KLHDC4: variants seen among roughly 807,000 people sequenced by gnomAD.
KLHDC4 encodes kelch domain containing 4.
A neutral mutation model predicts 62.4 loss-of-function variants in KLHDC4; 90 were observed. That is an observed-to-expected ratio of 1.44 (90% CI 1.22 to 1.72). The LOEUF is 1.72. Ranked by LOEUF, KLHDC4 falls within the 40% of genes most tolerant of loss-of-function variation. The probability of loss-of-function intolerance (pLI) is 0.00; values close to 1 mark genes in which losing one functional copy is unlikely to be tolerated. For missense variants in KLHDC4, 1,025 were observed against 699.7 expected, an observed-to-expected ratio of 1.47 and a Z score of -5.25; for synonymous variants, 386 against 284.4, an observed-to-expected ratio of 1.36 and a Z score of -3.59.
intron 1 of KLHDC4, 195 bp from the exon 2 acceptor site, chr16:87,762,235 C>A (rs113977186): frequency 8.5e-7 from 1 of 1,182,666 alleles, no homozygotes; most frequent in African/African-American, 1.6e-5. Flanking sequence ...CAAAGGCAGT[C>A]TGCTTAAAGG....
intron 5 of KLHDC4, among the ~76,000 whole-genome samples, chr16:87,731,651 A>AGTGAAACAACG (rs1330166220): frequency 6.6e-6 from 1 of 152,058 alleles, no homozygotes; most frequent in African/African-American, 2.4e-5. Flanking sequence ...AACGTAACAC[A>AGTGAAACAACG]GTGAAACAAC....
At chr16:87,748,876 C>T (rs961549743) in intron 4 of KLHDC4, 67 bp from the exon 5 acceptor site, 28 of 1,592,668 alleles carry the variant, frequency 1.8e-5, no homozygotes, top group African/African-American at 4.2e-5. Flanking sequence ...CATGGGTGAC[C>T]GGTAGTGGTG....
At chr16:87,701,540 G>A (rs567732335) in exon 1 of KLHDC4, 56 of 391,144 alleles carry the variant, frequency 1.4e-4, no homozygotes, top group African/African-American at 1.1e-3. Flanking sequence ...GCCACAGTGT[G>A]GGCGTGAGCT....
chr16:87,756,207 C>T, intron 3 of KLHDC4, 192 bp downstream of exon 3: 1 of 509,388 alleles, frequency 2.0e-6, no homozygotes, highest in East Asian at 3.3e-5. Flanking sequence ...ACCCCAGGAC[C>T]ACTGAAGTCA....
chr16:87,705,875 A>G (rs1296396514), downstream of KLHDC4, among the ~76,000 whole-genome samples: 2 of 152,192 alleles, frequency 1.3e-5, no homozygotes, highest in Non-Finnish European at 2.9e-5. Context: ...CTTAGCTGAG[A>G]GTGTGAGGAA....
chr16:87,756,579 C>A, intron 2 of KLHDC4, 102 bp from the exon 3 acceptor site: 1 of 801,072 alleles, frequency 1.2e-6, no homozygotes, highest in Non-Finnish European at 2.1e-6. Flanking sequence ...AACTGGCTGC[C>A]TCTACACTTC....
chr16:87,702,153 A>T (rs1290825430), exon 1 of KLHDC4: 1 of 456,078 alleles, frequency 2.2e-6, no homozygotes, highest in South Asian at 1.5e-5. Context: ...GGGAGATTCC[A>T]GCAGATATGG....
At chr16:87,734,752 T>G (rs1283543983) in intron 5 of KLHDC4, among the ~76,000 whole-genome samples, 2 of 152,072 alleles carry the variant, frequency 1.3e-5, no homozygotes, top group African/African-American at 4.8e-5. Flanking sequence ...TTCTTTGGAG[T>G]CCTGCAAGCT....
chr16:87,709,579 G>A lies in KLHDC4; in HGVS notation c.1133C>T (p.Thr378Ile). 1 of 1,613,030 alleles carries A rather than the reference G, an allele frequency of 6.2e-7. No individual in the cohort carries two copies. Among genetic ancestry groups the A allele is most frequent in the Non-Finnish European group, 8.5e-7 (1 of 1,179,938 alleles). ...GSRPACGGAG[T>I]QGPVQLVKEV... ...CTTGACCAGCTGCACAGGCCCCTGG[G>A]TGCCAGCTCCCCCACACGCCGGCCT... is the stretch of plus-strand genomic sequence containing the variant. The change falls in exon 10 of 12, where the codon ACC becomes ATC. Residue 378 changes from threonine to isoleucine, a missense_variant. Transcript: ENST00000270583.
intron 7 of KLHDC4, among the ~76,000 whole-genome samples, chr16:87,716,938 A>C (rs993875929): frequency 1.0e-4 from 15 of 144,094 alleles, no homozygotes; most frequent in Non-Finnish European, 2.1e-4. Flanking sequence ...TCTCAAAAAA[A>C]AGAAAAGAAA....
At chr16:87,698,300 ACATCTTTTC>A (rs1360317338) in exon 1 of KLHDC4, 1 of 152,186 alleles carries the variant, frequency 6.6e-6, no homozygotes, top group Non-Finnish European at 1.5e-5. Context: ...ACATTTTTGT[ACATCTTTTC>A]CATCTTTTAG....
chr16:87,706,223 G>GA (rs1555548173), downstream of KLHDC4, among the ~76,000 whole-genome samples: 10 of 2,578 alleles, frequency 3.9e-3, no homozygotes, highest in South Asian at 0.053. Context: ...TGCAGCCCTC[G>GA]GGGGGGGGTC....
chr16:87,741,081 A>G (rs2042167307), intron 5 of KLHDC4: 2 of 152,226 alleles, frequency 1.3e-5, no homozygotes, highest in Non-Finnish European at 2.9e-5. Flanking sequence ...TATGACGTCA[A>G]GTATATGTGT....
chr16:87,748,610 G>C, intron 5 of KLHDC4, 63 bp downstream of exon 5: 2 of 1,599,580 alleles, frequency 1.3e-6, no homozygotes, highest in East Asian at 2.2e-5. Flanking sequence ...CCGAGCACTC[G>C]GGCTCAGCAC....
intron 2 of KLHDC4, among the ~76,000 whole-genome samples, chr16:87,760,425 G>C (rs2045688862): frequency 6.6e-6 from 1 of 150,762 alleles, no homozygotes; most frequent in Admixed American, 6.6e-5. Flanking sequence ...GGCCAACATG[G>C]TGAAACCCCG....
At chr16:87,730,527 A>G in intron 6 of KLHDC4, 25 bp downstream of exon 6, 1 of 1,581,862 alleles carries the variant, frequency 6.3e-7, no homozygotes, top group Non-Finnish European at 8.6e-7. Context: ...CAGGAGAGAA[A>G]GATTTTTCCG....
downstream of KLHDC4, among the ~76,000 whole-genome samples, chr16:87,706,696 G>A (rs896269367): frequency 6.6e-6 from 1 of 152,232 alleles, no homozygotes; most frequent in African/African-American, 2.4e-5. Flanking sequence ...GCCACCCACC[G>A]AGGCCTCCTG....
At chr16:87,720,216 C>A (rs376868885) in intron 7 of KLHDC4, among the ~76,000 whole-genome samples, 10 of 152,146 alleles carry the variant, frequency 6.6e-5, no homozygotes, top group African/African-American at 2.4e-4. Flanking sequence ...AGATAAAGGC[C>A]GGGGAGCGTT....
chr16:87,761,107 A>T (rs2045824946), intron 2 of KLHDC4, among the ~76,000 whole-genome samples: 2 of 152,220 alleles, frequency 1.3e-5, no homozygotes, highest in African/African-American at 4.8e-5. Flanking sequence ...AACTAAAGGG[A>T]AAAAGAAAAC....
Sources: allele counts gnomAD v4.1 joint callset (sites outside exome capture counted in the v4.1 genomes callset), GRCh38; gene constraint gnomAD v4.1.1; transcripts MANE v1.5; gene names NCBI Gene and HGNC (gene_info 2026-07-23, HGNC 2026-07-21).